The following DISC1 variants were observed in gnomAD, a reference collection of about 807,000 sequenced individuals.
The protein encoded by DISC1 is DISC1 scaffold protein.
DISC1 carries 57 observed loss-of-function variants against 84.5 expected under a neutral mutation model. The observed-to-expected ratio is 0.67, with a 90% CI of 0.55 to 0.84. The LOEUF is 0.84. DISC1 is among the 40% of genes least tolerant of loss of function. DISC1 has a pLI of 0.00. For synonymous variants in DISC1, 411 were observed against 415.2 expected (o/e 0.99, Z 0.12); for missense variants, 1,000 against 1,057.8 (o/e 0.95, Z 0.76).
chr1:231,890,112 A>C (rs1042073545), intron 9 of DISC1, among the ~76,000 whole-genome samples: 5 of 152,168 alleles, frequency 3.3e-5, no homozygotes, highest in Admixed American at 1.3e-4. Context: ...ATTGCTAAAA[A>C]TGTTATTTCC....
intron 10 of DISC1, among the ~76,000 whole-genome samples, chr1:231,987,938 C>G (rs1664680885): frequency 6.6e-6 from 1 of 152,144 alleles, no homozygotes; most frequent in African/African-American, 2.4e-5. Context: ...CCTGTAATCC[C>G]AGCACTTTAG....
chr1:231,971,879 C>A (rs1662006455), intron 10 of DISC1, among the ~76,000 whole-genome samples: 1 of 152,064 alleles, frequency 6.6e-6, no homozygotes, highest in Non-Finnish European at 1.5e-5. Flanking sequence ...AAAAAAATTC[C>A]CCAGTAGAAA....
In DISC1 at chr1:231,860,732, A is replaced by G. The variant is rs142155139; in HGVS notation, c.1981+42215A>G. ...TATCAAGCATTTTCCATTCCCCACA[A>G]TTCTCATTTTTTGTTATCTTTTTGC... On this transcript the variant is annotated intron_variant, in intron 9 of 12. Coordinates refer to ENST00000439617, the MANE Select transcript of DISC1 (RefSeq NM_018662.3). Among the ~76,000 whole-genome samples the G allele has an allele frequency of 2.2e-3, 334 of 152,264 alleles. 1 individual carries two copies. Among genetic ancestry groups the G allele is most frequent in the Middle Eastern group, 6.8e-3 (2 of 294 alleles).
intron 9 of DISC1, among the ~76,000 whole-genome samples, chr1:231,932,526 G>A (rs1321757382): frequency 6.6e-6 from 1 of 152,136 alleles, no homozygotes; most frequent in Non-Finnish European, 1.5e-5. Context: ...TTAGTAACAT[G>A]CCTGAGTTCA....
At chr1:231,810,458 G>T (rs1356205750) in intron 8 of DISC1, among the ~76,000 whole-genome samples, 1 of 152,216 alleles carries the variant, frequency 6.6e-6, no homozygotes, top group Non-Finnish European at 1.5e-5. Flanking sequence ...ACCCAGTAAA[G>T]ATGTTTTCAA....
chr1:231,675,494 A>G lies in DISC1; in HGVS notation c.68-18332A>G, dbSNP rs1558303183. Among the ~76,000 whole-genome samples the G allele has an allele frequency of 6.6e-6, 1 of 152,162 alleles. No homozygotes were observed. Among genetic ancestry groups the G allele is most frequent in the Non-Finnish European group, 1.5e-5 (1 of 68,026 alleles). On this transcript the variant is annotated intron_variant, in intron 1 of 12. Transcript: ENST00000439617. This position sits in a 1 kb window ranked among gnomAD's most constrained non-coding sequence, Gnocchi z 4.1. ...AGAAATTAGTTCACCTTATCATCAGATAGAGATGCTATTTGTACATTTCTC... is the reference window on the plus strand; with the variant it reads ...AGAAATTAGTTCACCTTATCATCAGGTAGAGATGCTATTTGTACATTTCTC...
At chr1:231,700,806 T>G (rs149685003) in intron 2 of DISC1, among the ~76,000 whole-genome samples, 226 of 152,216 alleles carry the variant, frequency 1.5e-3, no homozygotes, top group Non-Finnish European at 2.4e-3. Flanking sequence ...CAGGTCACAA[T>G]GGAGGTATAG....
intron 10 of DISC1, among the ~76,000 whole-genome samples, chr1:231,991,897 G>C (rs993606447): frequency 6.6e-6 from 1 of 151,946 alleles, no homozygotes; most frequent in Non-Finnish European, 1.5e-5. Context: ...AATTCAAATG[G>C]AATCATAACA....
chr1:231,787,404 G>C (rs2077966884), intron 6 of DISC1, among the ~76,000 whole-genome samples: 1 of 152,034 alleles, frequency 6.6e-6, no homozygotes, highest in African/African-American at 2.4e-5. Flanking sequence ...AAGAGAGAGT[G>C]AGAGTGAGAG....
intron 11 of DISC1, among the ~76,000 whole-genome samples, chr1:232,015,441 T>C (rs1358179099): frequency 1.3e-5 from 2 of 152,112 alleles, no homozygotes; most frequent in Non-Finnish European, 1.5e-5. Flanking sequence ...CAAGGACTCA[T>C]TTTCTGCGTT....
At chr1:231,739,379 C>T (rs1216097541) in intron 3 of DISC1, among the ~76,000 whole-genome samples, 2 of 152,150 alleles carry the variant, frequency 1.3e-5, no homozygotes, top group Non-Finnish European at 2.9e-5. Context: ...CCCATTTATC[C>T]CAGCTGTCTT....
At chr1:231,882,982 A>G (rs566428486) in intron 9 of DISC1, among the ~76,000 whole-genome samples, 2 of 151,978 alleles carry the variant, frequency 1.3e-5, no homozygotes, top group East Asian at 3.9e-4. Flanking sequence ...AAGCACAAGC[A>G]TAAGACGGTT....
chr1:231,915,741 G>A (rs1171263244), intron 9 of DISC1, among the ~76,000 whole-genome samples: 1 of 152,202 alleles, frequency 6.6e-6, no homozygotes, highest in Non-Finnish European at 1.5e-5. Flanking sequence ...TCACACTGTT[G>A]CACTCCAGCC....
chr1:231,754,149 C>T (rs564026847), intron 4 of DISC1, among the ~76,000 whole-genome samples: 4 of 152,258 alleles, frequency 2.6e-5, no homozygotes, highest in Admixed American at 6.5e-5. Flanking sequence ...GCCCATTACC[C>T]GATTCCAAAG....
At chr1:231,949,902 G>T (rs150655262) in intron 9 of DISC1, among the ~76,000 whole-genome samples, 125 of 152,284 alleles carry the variant, frequency 8.2e-4, no homozygotes, top group Non-Finnish European at 1.5e-3. Context: ...AGAGCCTTTG[G>T]CATAAAACCC....
At chr1:232,036,280 AAGG>A (rs765861355) in intron 12 of DISC1, among the ~76,000 whole-genome samples, 87 of 152,254 alleles carry the variant, frequency 5.7e-4, no homozygotes, top group Non-Finnish European at 5.0e-4. Context: ...TGTATTTCTC[AAGG>A]AGATTTTGAT....
At chr1:231,801,935 C>T (rs1041110269) in intron 8 of DISC1, among the ~76,000 whole-genome samples, 3 of 151,742 alleles carry the variant, frequency 2.0e-5, no homozygotes, top group Admixed American at 6.6e-5. Flanking sequence ...TTTCCTGCCT[C>T]AGCCTCCCAA....
intron 9 of DISC1, among the ~76,000 whole-genome samples, chr1:231,871,682 T>C (rs968761522): frequency 6.6e-6 from 1 of 152,212 alleles, no homozygotes; most frequent in Admixed American, 6.5e-5. Context: ...CGGCCTCTCA[T>C]GTGTGCCTGA....
intron 2 of DISC1, among the ~76,000 whole-genome samples, chr1:231,699,037 G>A (rs1029207398): frequency 5.9e-5 from 9 of 152,124 alleles, no homozygotes; most frequent in South Asian, 2.1e-4. Flanking sequence ...TGTTTTTTGC[G>A]TATGCTTCAT....
Sources: gnomAD v4.1 joint callset for allele counts (sites outside exome capture counted in the v4.1 genomes callset) on GRCh38, gnomAD v4.1.1 for gene constraint, Gnocchi (gnomAD v3.1) non-coding constraint, MANE v1.5 for transcripts, NCBI Gene and HGNC (gene_info 2026-07-23, HGNC 2026-07-21) for gene names.